Variants in SPATA7 observed in about 807,000 individuals in gnomAD.
The protein encoded by SPATA7 is spermatogenesis-associated protein 7.
A neutral mutation model predicts 51.8 loss-of-function variants in SPATA7; 43 were observed. The ratio of observed to expected loss-of-function variants is 0.83; its 90% CI spans 0.65 to 1.07. The LOEUF is 1.07. Among genes scored for constraint, SPATA7 ranks in the 50% least tolerant of loss-of-function variants. The pLI, the probability that SPATA7 is intolerant of heterozygous loss-of-function variation, is 0.00. For synonymous variants in SPATA7, 230 were observed against 252.8 expected, an observed-to-expected ratio of 0.91 and a Z score of 0.86; for missense variants, 683 against 701.3, an observed-to-expected ratio of 0.97 and a Z score of 0.30.
In SPATA7 at chr14:88,431,230, G is replaced by A. The variant is rs780148709; in HGVS notation, c.1082+5G>A. On this transcript the variant is annotated splice_donor_5th_base_variant and intron_variant, in intron 9 of 11. Coordinates refer to ENST00000393545, the MANE Select transcript of SPATA7 (RefSeq NM_018418.5). Reference sequence around the variant, plus strand: ...AACTCGTAAAATCTACTCTGAGTAAGATCTTTTTTAAGTCTTCGTTTTGCA... The same window carrying A: ...AACTCGTAAAATCTACTCTGAGTAAAATCTTTTTTAAGTCTTCGTTTTGCA... 1 of 1,612,596 alleles carries A rather than the reference G, an allele frequency of 6.2e-7. No individual in the cohort carries two copies. Among genetic ancestry groups the A allele is most frequent in the Non-Finnish European group, 8.5e-7 (1 of 1,178,778 alleles).
intron 4 of SPATA7, among the ~76,000 whole-genome samples, chr14:88,460,615 C>A (rs939868945): frequency 1.3e-5 from 2 of 152,116 alleles, no homozygotes; most frequent in Non-Finnish European, 2.9e-5. Context: ...TTCATCTAAT[C>A]TTTTTTCAAG....
intron 4 of SPATA7, among the ~76,000 whole-genome samples, chr14:88,465,474 AAAAAT>A (rs1269763243): frequency 6.6e-6 from 1 of 152,166 alleles, no homozygotes; most frequent in African/African-American, 2.4e-5. Context: ...CTCAAAAATA[AAAAAT>A]AAAATGAGTA....
chr14:88,444,668 G>A (rs1229854232), intron 3 of SPATA7, among the ~76,000 whole-genome samples: 1 of 152,190 alleles, frequency 6.6e-6, no homozygotes, highest in African/African-American at 2.4e-5. Flanking sequence ...CGTATAAGGT[G>A]TAAGGAAGGG....
rs2075550398 is a variant in SPATA7, at chr14:88,385,745, G to A, written c.-74G>A. 13 of 1,461,932 alleles carry A rather than the reference G, an allele frequency of 8.9e-6. No homozygotes were observed. Among genetic ancestry groups the A allele is most frequent in the Non-Finnish European group, 1.1e-5 (12 of 1,058,114 alleles). 90.6% of individuals were successfully genotyped at this position (1,461,932 alleles called of 1,614,324 possible). A position where few individuals can be genotyped will look rare whatever the true frequency, so the allele number is the denominator to read the frequency against. ...TCCTCTTTTCCAGTCCTCCACTGCC[G>A]GGGCTGGGCCCGGCCGCGGGAAGGA... On this transcript the variant is annotated 5_prime_UTR_variant, in exon 1 of 12. Coordinates refer to ENST00000393545, the MANE Select transcript of SPATA7 (RefSeq NM_018418.5).
At chr14:88,397,378 C>T (rs964392373) in intron 4 of SPATA7, among the ~76,000 whole-genome samples, 2 of 152,062 alleles carry the variant, frequency 1.3e-5, no homozygotes, top group Non-Finnish European at 2.9e-5. Context: ...CAAAAATACC[C>T]AGGCACAGTG....
At chr14:88,403,910 A>G (rs945856502) in intron 4 of SPATA7, among the ~76,000 whole-genome samples, 2 of 152,198 alleles carry the variant, frequency 1.3e-5, no homozygotes, top group Non-Finnish European at 2.9e-5. Context: ...ACCACAAAAA[A>G]AAGAAAAAGT....
intron 10 of SPATA7, among the ~76,000 whole-genome samples, chr14:88,436,479 T>C (rs1405664736): frequency 6.6e-6 from 1 of 152,032 alleles, no homozygotes; most frequent in Non-Finnish European, 1.5e-5. Context: ...TGTGGGATAT[T>C]ACTCAAGAAG....
rs1239606139 is a variant in SPATA7, at chr14:88,445,429, A to C, written c.177+7526A>C. Among the ~76,000 whole-genome samples the C allele has an allele frequency of 5.9e-5, 9 of 152,196 alleles. No homozygotes were observed. In the East Asian group the frequency reaches 1.3e-3, roughly 23 times the overall value. On this transcript the variant is annotated intron_variant, in intron 3 of 3. Transcript: ENST00000554802. ...CTAGATATACAATCATGTCATCTGC[A>C]AACAGGGACAGTTTGACTTCCTCTT...
At chr14:88,390,708 C>T (rs1438700516) in intron 1 of SPATA7, among the ~76,000 whole-genome samples, 1 of 152,102 alleles carries the variant, frequency 6.6e-6, no homozygotes, top group African/African-American at 2.4e-5. Context: ...GGTGAAGAGG[C>T]ATTGAATTCT....
chr14:88,470,060 G>A, exon 5 of SPATA7: 3 of 1,610,906 alleles, frequency 1.9e-6, no homozygotes, highest in South Asian at 1.1e-5. Flanking sequence ...CCTGGGATTA[G>A]AAAAGGTTAA....
At chr14:88,445,951 T>TTTGG (rs1333638537) in intron 3 of SPATA7, among the ~76,000 whole-genome samples, 5 of 152,228 alleles carry the variant, frequency 3.3e-5, no homozygotes, top group Non-Finnish European at 7.3e-5. Flanking sequence ...AATTCTCTTT[T>TTTGG]TTGGTTGTAT....
downstream of SPATA7, among the ~76,000 whole-genome samples, chr14:88,441,308 GC>G (rs2077177377): frequency 6.6e-6 from 1 of 152,110 alleles, no homozygotes; most frequent in Non-Finnish European, 1.5e-5. Flanking sequence ...CTATAAACAT[GC>G]GTGTGCAAGT....
Position 88,468,297 on chromosome 14 carries a change from G to A in SPATA7, c.255-1550G>A, listed in dbSNP as rs770912884. 19 of 1,568,720 alleles carry A rather than the reference G, an allele frequency of 1.2e-5. No individual in the cohort carries two copies. In the South Asian group the frequency reaches 2.2e-4, roughly 18 times the overall value. On this transcript the variant is annotated intron_variant, in intron 4 of 4. Coordinates refer to the SPATA7 transcript ENST00000556406. ...TGAGAGAAACGGTAATGAAGATAAT[G>A]TGTTCCCCTGGGGAGACAGAAAGGA...
Position 88,397,219 on chromosome 14 carries a change from A to G in SPATA7, c.238+1016A>G, listed in dbSNP as rs148797284. Among the ~76,000 whole-genome samples the G allele has an allele frequency of 7.2e-3, 1,091 of 152,126 alleles. 7 individuals carry two copies. Among genetic ancestry groups the G allele is most frequent in the Middle Eastern group, 0.014 (4 of 292 alleles). On this transcript the variant is annotated intron_variant, in intron 4 of 11. Coordinates refer to ENST00000393545, the MANE Select transcript of SPATA7 (RefSeq NM_018418.5). ...TATTGCTTTCTATAGCAGCTGCACC[A>G]TTTTCCATTATGACTAATGATGCTC... is the stretch of plus-strand genomic sequence containing the variant.
intron 5 of SPATA7, among the ~76,000 whole-genome samples, chr14:88,422,377 C>T (rs1490172959): frequency 1.3e-5 from 2 of 151,992 alleles, no homozygotes; most frequent in Non-Finnish European, 2.9e-5. Flanking sequence ...TTATACTTTG[C>T]TATCTGGGAT....
intron 3 of SPATA7, among the ~76,000 whole-genome samples, chr14:88,451,540 T>TC (rs1555379476): frequency 0.069 from 10,485 of 150,868 alleles, 500 homozygotes; most frequent in Non-Finnish European, 0.11. Context: ...TTTTTTTTTT[T>TC]CTTTGAAAAG....
intron 1 of SPATA7, among the ~76,000 whole-genome samples, chr14:88,386,350 C>CTCCCCCAAAGCTA (rs1307481897): frequency 1.3e-5 from 2 of 152,182 alleles, no homozygotes; most frequent in African/African-American, 4.8e-5. Flanking sequence ...AACGAACTAC[C>CTCCCCCAAAGCTA]TCCCCCAAAG....
chr14:88,462,640 C>T (rs993144205), intron 4 of SPATA7, among the ~76,000 whole-genome samples: 6 of 152,314 alleles, frequency 3.9e-5, no homozygotes, highest in East Asian at 1.9e-4. Flanking sequence ...GAAATTATGT[C>T]GCTTGTGTAC....
intron 3 of SPATA7, among the ~76,000 whole-genome samples, chr14:88,395,367 A>G (rs79280346): frequency 0.035 from 5,364 of 152,112 alleles, 311 homozygotes; most frequent in African/African-American, 0.12. Context: ...TTTTTAAATG[A>G]CTAAAAAAAC....
Sources: gnomAD v4.1 joint callset for allele counts (sites outside exome capture counted in the v4.1 genomes callset) on GRCh38, gnomAD v4.1.1 for gene constraint, MANE v1.5 for transcripts, NCBI Gene and HGNC (gene_info 2026-07-23, HGNC 2026-07-21) for gene names.